The following DNAJC3 variants were observed in gnomAD, a reference collection of about 807,000 sequenced individuals.
DNAJC3 encodes DnaJ heat shock protein family (Hsp40) member C3.
In DNAJC3, 38 loss-of-function variants were observed where a neutral mutation model predicts 68.6. That is an observed-to-expected ratio of 0.55 (90% CI 0.43 to 0.73). The LOEUF (loss-of-function observed/expected upper bound fraction) is 0.73, where lower values mean the gene tolerates loss of function less well. DNAJC3 is among the 30% of genes least tolerant of loss of function. The pLI, the probability that DNAJC3 is intolerant of heterozygous loss-of-function variation, is 0.00. For synonymous variants in DNAJC3, 203 were observed against 204.0 expected (o/e 1.00, Z 0.04); for missense variants, 526 against 591.9 (o/e 0.89, Z 1.16).
rs776717316 is a variant in DNAJC3, at chr13:95,786,066, A to G, written c.1203A>G (p.Val401=). 1.4e-5 allele frequency: 23 copies of G among 1,596,792 alleles called. No individual in the cohort carries two copies. Among genetic ancestry groups the G allele is most frequent in the Non-Finnish European group, 2.0e-5 (23 of 1,174,686 alleles). The change falls in exon 10 of 12, where the codon GTA becomes GTG. Residue 401 remains valine, a synonymous_variant. Coordinates refer to ENST00000602402, the MANE Select transcript of DNAJC3 (RefSeq NM_006260.5). Reference sequence around the variant, plus strand: ...GAGATTATTATAAAATCTTGGGAGTAAAAAGGTGAATTATTAATTTAAAAT... The same window carrying G: ...GAGATTATTATAAAATCTTGGGAGTGAAAAGGTGAATTATTAATTTAAAAT... ...QKRDYYKILG[V]KRNAKKQEII...
rs1261943560 is a variant in DNAJC3, at chr13:95,794,121, ATC to A, written c.*3093_*3094del. ...CCTTTCTCTTTAGTCAGTATTAAAA[ATC>A]TTTTTTAAAGTATTGGTATGAAAAC... On this transcript the variant is annotated 3_prime_UTR_variant, in exon 12 of 12. Transcript: ENST00000602402. 1 of 152,230 alleles carries A rather than the reference ATC, an allele frequency of 6.6e-6. No individual in the cohort carries two copies. The highest frequency in any genetic ancestry group is 1.5e-5 in the Non-Finnish European group (1 of 68,036). 9.4% of individuals were successfully genotyped at this position (152,230 alleles called of 1,614,324 possible). A position where few individuals can be genotyped will look rare whatever the true frequency, so the allele number is the denominator to read the frequency against.
chr13:95,777,175 A>G (rs1883315805), intron 9 of DNAJC3, among the ~76,000 whole-genome samples: 1 of 152,152 alleles, frequency 6.6e-6, no homozygotes, highest in Non-Finnish European at 1.5e-5. Context: ...GCTGGATAAT[A>G]AAGTCCTTCC....
chr13:95,782,104 T>C (rs897227700), intron 9 of DNAJC3, among the ~76,000 whole-genome samples: 6 of 152,214 alleles, frequency 3.9e-5, no homozygotes, highest in Non-Finnish European at 7.3e-5. Context: ...GGTTTCCAGC[T>C]TCATCCATGT....
At chr13:95,759,578 G>A (rs1389663998) in intron 5 of DNAJC3, among the ~76,000 whole-genome samples, 1 of 152,082 alleles carries the variant, frequency 6.6e-6, no homozygotes, top group Non-Finnish European at 1.5e-5. Context: ...AACATAATGT[G>A]GTTATTAGCA....
intron 9 of DNAJC3, among the ~76,000 whole-genome samples, chr13:95,764,683 T>TACACAC (rs1555328231): frequency 2.4e-4 from 21 of 88,278 alleles, no homozygotes; most frequent in African/African-American, 7.4e-4. Context: ...TATATATATA[T>TACACAC]ACACACACAC....
At chr13:95,678,173 G>A (rs17879241) in intron 1 of DNAJC3, among the ~76,000 whole-genome samples, 15 of 152,160 alleles carry the variant, frequency 9.9e-5, no homozygotes, top group African/African-American at 3.6e-4. Context: ...CCGATTTAAC[G>A]AATGCTTCTG....
intron 4 of DNAJC3, among the ~76,000 whole-genome samples, chr13:95,739,193 G>C (rs1304353032): frequency 6.6e-6 from 1 of 151,746 alleles, no homozygotes; most frequent in African/African-American, 2.4e-5. Context: ...TGAGAGATCC[G>C]CTATTAGTCT....
chr13:95,691,240 C>T (rs1034660269), intron 1 of DNAJC3, among the ~76,000 whole-genome samples: 11 of 151,894 alleles, frequency 7.2e-5, no homozygotes, highest in African/African-American at 1.2e-4. Context: ...CGGGCGGAGA[C>T]GCTCCTCACT....
At chr13:95,712,651 C>A (rs1881009859) in intron 2 of DNAJC3, among the ~76,000 whole-genome samples, 1 of 152,158 alleles carries the variant, frequency 6.6e-6, no homozygotes, top group Non-Finnish European at 1.5e-5. Context: ...GGATTACAGA[C>A]ATGAGCCACC....
At chr13:95,694,684 C>G (rs1354929830) in intron 1 of DNAJC3, 2 of 152,650 alleles carry the variant, frequency 1.3e-5, no homozygotes, top group African/African-American at 4.8e-5. Flanking sequence ...CTTCTTGGTG[C>G]CTGCTTAATT....
rs550048677 is a variant in DNAJC3, at chr13:95,751,912, A to G, written c.394-5732A>G. ...CAGGTGAACTGCCCTTTATAAAACC[A>G]TCAGATCATGAAACTTATTTACTAT... is the stretch of plus-strand genomic sequence containing the variant. On this transcript the variant is annotated intron_variant, in intron 4 of 11. Transcript: ENST00000602402. Among the ~76,000 whole-genome samples, 18 of 152,310 alleles carry G rather than the reference A, an allele frequency of 1.2e-4. No homozygotes were observed. The South Asian group carries it at 1.9e-3, about 16-fold the overall frequency.
intron 1 of DNAJC3, among the ~76,000 whole-genome samples, chr13:95,681,612 C>T (rs550437842): frequency 1.2e-4 from 18 of 152,322 alleles, no homozygotes; most frequent in African/African-American, 4.1e-4. Flanking sequence ...CCTTGGCCTC[C>T]CAAAGTGTTG....
intron 1 of DNAJC3, among the ~76,000 whole-genome samples, chr13:95,703,106 A>G (rs2139618921): frequency 6.6e-6 from 1 of 152,338 alleles, no homozygotes; most frequent in East Asian, 1.9e-4. Context: ...CATTTCTCTT[A>G]GGGGAAATAC....
intron 9 of DNAJC3, among the ~76,000 whole-genome samples, chr13:95,776,916 G>A (rs1883309195): frequency 6.6e-6 from 1 of 152,150 alleles, no homozygotes; most frequent in South Asian, 2.1e-4. Context: ...TTCGTCAGCT[G>A]TATCCCTTCT....
At chr13:95,784,909 A>G (rs1336019365) in intron 9 of DNAJC3, among the ~76,000 whole-genome samples, 1 of 152,136 alleles carries the variant, frequency 6.6e-6, no homozygotes, top group Non-Finnish European at 1.5e-5. Context: ...TGGGAGGTCG[A>G]GGATGCAGTC....
At chr13:95,684,284 C>G (rs978702528) in intron 1 of DNAJC3, among the ~76,000 whole-genome samples, 5 of 152,122 alleles carry the variant, frequency 3.3e-5, no homozygotes, top group Admixed American at 3.3e-4. Context: ...TCTTGCTATG[C>G]TTTAGTAAAG....
At chr13:95,783,717 G>T (rs1393518349) in intron 9 of DNAJC3, among the ~76,000 whole-genome samples, 1 of 152,188 alleles carries the variant, frequency 6.6e-6, no homozygotes, top group African/African-American at 2.4e-5. Flanking sequence ...GTAGTGTGTA[G>T]CCTGTCAAAA....
intron 9 of DNAJC3, among the ~76,000 whole-genome samples, chr13:95,769,982 T>C (rs17879500): frequency 0.015 from 2,283 of 152,232 alleles, 61 homozygotes; most frequent in African/African-American, 0.052. Flanking sequence ...TTCCAAATTA[T>C]GAAAAGCTTA....
intron 9 of DNAJC3, among the ~76,000 whole-genome samples, chr13:95,777,029 A>G (rs1883312274): frequency 2.0e-5 from 3 of 152,140 alleles, no homozygotes; most frequent in Admixed American, 6.5e-5. Context: ...TCCTTTGGCC[A>G]TGGTTTCTTC....
Sources: gnomAD v4.1 joint callset for allele counts (sites outside exome capture counted in the v4.1 genomes callset) on GRCh38, gnomAD v4.1.1 for gene constraint, MANE v1.5 for transcripts, NCBI Gene and HGNC (gene_info 2026-07-23, HGNC 2026-07-21) for gene names.